SLC44A5: variants seen among roughly 807,000 people sequenced by gnomAD.
SLC44A5 encodes the protein choline transporter-like protein 5.
A neutral mutation model predicts 101.8 loss-of-function variants in SLC44A5; 57 were observed. The ratio of observed to expected loss-of-function variants is 0.56; its 90% CI spans 0.45 to 0.70. The LOEUF (loss-of-function observed/expected upper bound fraction) is 0.70. Ranked by LOEUF, SLC44A5 falls within the 30% of genes least tolerant of loss-of-function variation. The probability of loss-of-function intolerance (pLI) is 0.00; values close to 1 mark genes in which losing one functional copy is unlikely to be tolerated. For synonymous variants in SLC44A5, 281 were observed against 290.9 expected (o/e 0.97, Z 0.35); for missense variants, 737 against 853.1 (o/e 0.86, Z 1.70).
At chr1:75,264,125 A>AT (rs1245402398) in intron 6 of SLC44A5, among the ~76,000 whole-genome samples, 2 of 66,230 alleles carry the variant, frequency 3.0e-5, no homozygotes, top group African/African-American at 1.1e-4. Context: ...CACTTAAAGT[A>AT]TTTAAAAAAA....
chr1:75,703,338 G>T, the SLC44A5 span, among the ~76,000 whole-genome samples: 1 of 152,054 alleles, frequency 6.6e-6, no homozygotes, highest in Admixed American at 6.6e-5. Context: ...ACATAAAAAA[G>T]GATGAGTTCA....
At chr1:75,266,189 T>C (rs1650972858) in intron 6 of SLC44A5, among the ~76,000 whole-genome samples, 2 of 152,122 alleles carry the variant, frequency 1.3e-5, no homozygotes, top group African/African-American at 4.8e-5. Flanking sequence ...CTTCCAGAGT[T>C]GGGAATCAAA....
At chr1:75,358,820 C>T (rs558790909) in intron 3 of SLC44A5, among the ~76,000 whole-genome samples, 1 of 152,192 alleles carries the variant, frequency 6.6e-6, no homozygotes, top group South Asian at 2.1e-4. Context: ...ATAAACATAT[C>T]CCTTATGCTT....
At chr1:75,422,287 C>T (rs1664056272) in intron 2 of SLC44A5, among the ~76,000 whole-genome samples, 1 of 152,194 alleles carries the variant, frequency 6.6e-6, no homozygotes, top group African/African-American at 2.4e-5. Context: ...GTTATGGACA[C>T]ATCTGGACAT....
the SLC44A5 span, among the ~76,000 whole-genome samples, chr1:75,646,711 C>T: frequency 6.6e-6 from 1 of 152,136 alleles, no homozygotes; most frequent in African/African-American, 2.4e-5. Flanking sequence ...TGGCACTTCT[C>T]CTTCCTTGCC....
intron 2 of SLC44A5, among the ~76,000 whole-genome samples, chr1:75,408,046 G>A (rs1444775610): frequency 6.6e-6 from 1 of 152,128 alleles, no homozygotes; most frequent in Non-Finnish European, 1.5e-5. Flanking sequence ...TCAAAAAGTG[G>A]GTGAAGGATA....
At chr1:75,455,124 T>A (rs1666115036) in intron 2 of SLC44A5, among the ~76,000 whole-genome samples, 1 of 151,954 alleles carries the variant, frequency 6.6e-6, no homozygotes, top group Non-Finnish European at 1.5e-5. Context: ...TCAAACTATA[T>A]TATAAGGTTG....
At chr1:75,241,302 C>G (rs1051539770) in intron 9 of SLC44A5, among the ~76,000 whole-genome samples, 1 of 152,010 alleles carries the variant, frequency 6.6e-6, no homozygotes, top group Non-Finnish European at 1.5e-5. Flanking sequence ...TAGCTAACTA[C>G]AGGCTTCAAC....
intron 2 of SLC44A5, among the ~76,000 whole-genome samples, chr1:75,399,275 C>T (rs1179863214): frequency 3.3e-5 from 5 of 152,174 alleles, no homozygotes; most frequent in East Asian, 3.9e-4. Context: ...AGAGTTTATA[C>T]GGCATACCTA....
intron 3 of SLC44A5, among the ~76,000 whole-genome samples, chr1:75,369,221 T>C (rs555560118): frequency 2.0e-5 from 3 of 152,194 alleles, no homozygotes; most frequent in Admixed American, 6.5e-5. Flanking sequence ...TTTTGTTTTG[T>C]TGCCCAGGGT....
chr1:75,352,390 T>C (rs1418251991), intron 3 of SLC44A5, among the ~76,000 whole-genome samples: 2 of 151,646 alleles, frequency 1.3e-5, no homozygotes, highest in African/African-American at 2.4e-5. Flanking sequence ...GTGTGTGTTG[T>C]TCCCCCCGAT....
chr1:75,396,491 G>A (rs1159545553), intron 3 of SLC44A5, 92 bp downstream of exon 3: 4 of 1,034,750 alleles, frequency 3.9e-6, no homozygotes, highest in South Asian at 3.1e-5. Flanking sequence ...CAAATATTTC[G>A]CTATTCCTAG....
intron 3 of SLC44A5, among the ~76,000 whole-genome samples, chr1:75,370,206 A>G (rs982849946): frequency 6.6e-6 from 1 of 152,228 alleles, no homozygotes; most frequent in Admixed American, 6.5e-5. Context: ...GAGGAAATAA[A>G]TAATTTCTGG....
intron 10 of SLC44A5, among the ~76,000 whole-genome samples, chr1:75,238,016 G>A (rs17096513): frequency 2.0e-5 from 3 of 151,386 alleles, no homozygotes; most frequent in Non-Finnish European, 4.4e-5. Context: ...CAAGGGACGT[G>A]GGGAATTTAC....
chr1:75,716,860 C>T, the SLC44A5 span, among the ~76,000 whole-genome samples: 9 of 151,754 alleles, frequency 5.9e-5, no homozygotes, highest in African/African-American at 1.2e-4. Flanking sequence ...GGTGAAACCC[C>T]ATCTCTACTA....
intron 1 of SLC44A5, among the ~76,000 whole-genome samples, chr1:75,575,371 T>C (rs1053355370): frequency 6.6e-6 from 1 of 152,208 alleles, no homozygotes. Context: ...AATGTACTTA[T>C]TCTGATGGGA....
chr1:75,452,670 G>A (rs1298844041), intron 2 of SLC44A5, among the ~76,000 whole-genome samples: 3 of 152,098 alleles, frequency 2.0e-5, no homozygotes, highest in African/African-American at 4.8e-5. Flanking sequence ...CACTTGTAAT[G>A]ACACCCATAG....
chr1:75,317,940 C>T (rs2100942864), intron 4 of SLC44A5, among the ~76,000 whole-genome samples: 1 of 152,284 alleles, frequency 6.6e-6, no homozygotes, highest in Non-Finnish European at 1.5e-5. Flanking sequence ...TTCTGGGGGA[C>T]ACAAACCTTC....
chr1:75,647,588 G>A, the SLC44A5 span, among the ~76,000 whole-genome samples: 1 of 152,174 alleles, frequency 6.6e-6, no homozygotes, highest in East Asian at 1.9e-4. Context: ...CAAGAAGGGG[G>A]CTGTACCATG....
Sources: allele counts gnomAD v4.1 joint callset (sites outside exome capture counted in the v4.1 genomes callset), GRCh38; gene constraint gnomAD v4.1.1; transcripts MANE v1.5; gene names NCBI Gene and HGNC (gene_info 2026-07-23, HGNC 2026-07-21).